Variants in DPP6 observed in about 807,000 individuals in gnomAD.
DPP6 encodes the protein dipeptidyl peptidase like 6.
A neutral mutation model predicts 122.6 loss-of-function variants in DPP6; 69 were observed. The ratio of observed to expected loss-of-function variants is 0.56; its 90% CI spans 0.46 to 0.69. DPP6 has a LOEUF of 0.69. Ranked by LOEUF, DPP6 falls within the 30% of genes least tolerant of loss-of-function variation. The pLI is 0.00. For synonymous variants in DPP6, 418 were observed against 433.1 expected (o/e 0.97, Z 0.43); for missense variants, 928 against 1,116.9 (o/e 0.83, Z 2.41).
At chr7:154,740,298 C>CTTTT in intron 8 of DPP6, among the ~76,000 whole-genome samples, 1 of 143,558 alleles carries the variant, frequency 7.0e-6, no homozygotes, top group Admixed American at 6.9e-5. Flanking sequence ...ACTCTAATTT[C>CTTTT]TTTTTTTTTT....
At chr7:154,249,217 C>G (rs1802191502) in intron 1 of DPP6, among the ~76,000 whole-genome samples, 2 of 152,200 alleles carry the variant, frequency 1.3e-5, no homozygotes, top group Admixed American at 6.5e-5. Context: ...GTCAAAAATG[C>G]AGCTCTCTCT....
intron 12 of DPP6, among the ~76,000 whole-genome samples, chr7:154,800,412 T>C (rs1038630951): frequency 6.6e-6 from 1 of 152,192 alleles, no homozygotes; most frequent in African/African-American, 2.4e-5. Context: ...AGAAAATACA[T>C]CTCGCAACCA....
At chr7:153,800,782 G>T in the DPP6 span, among the ~76,000 whole-genome samples, 4 of 151,996 alleles carry the variant, frequency 2.6e-5, no homozygotes, top group Non-Finnish European at 4.4e-5. Flanking sequence ...CTCCCAAAGT[G>T]CTGGGATTAC....
chr7:154,222,185 G>A lies in DPP6; in HGVS notation c.243+169122G>A, dbSNP rs184879898. ...ATCTTTGAGCCTTTGCTCCTAATCT[G>A]TTACCTTTGACCCCTATCCTCCCAG... On this transcript the variant is annotated intron_variant, in intron 1 of 25. Transcript: ENST00000377770. 9.7e-4 allele frequency among the ~76,000 whole-genome samples: 147 copies of A among 152,172 alleles called. 1 individual carries two copies. Among genetic ancestry groups the A allele is most frequent in the Non-Finnish European group, 1.0e-3 (71 of 68,016 alleles).
At chr7:154,330,826 T>C (rs1368287867) in intron 1 of DPP6, among the ~76,000 whole-genome samples, 2 of 152,112 alleles carry the variant, frequency 1.3e-5, no homozygotes, top group Non-Finnish European at 2.9e-5. Context: ...GACAAATGCA[T>C]CTACCTTTCT....
the DPP6 span, among the ~76,000 whole-genome samples, chr7:153,754,955 T>C: frequency 2.0e-5 from 3 of 152,168 alleles, no homozygotes; most frequent in Non-Finnish European, 4.4e-5. Context: ...AGGAGTCTTC[T>C]TATAATACTT....
chr7:153,995,601 A>AAAAG (rs1008235831), intron 1 of DPP6, among the ~76,000 whole-genome samples: 1 of 151,646 alleles, frequency 6.6e-6, no homozygotes, highest in African/African-American at 2.4e-5. Flanking sequence ...AAAAAAAAAA[A>AAAAG]AAAAAAAGAA....
chr7:153,785,320 G>A, the DPP6 span, among the ~76,000 whole-genome samples: 19 of 152,300 alleles, frequency 1.2e-4, no homozygotes, highest in South Asian at 1.7e-3. Flanking sequence ...TAAGCTCCAT[G>A]AGGGCAGGGC....
At chr7:154,055,552 C>A (rs1800757617) in intron 1 of DPP6, 1 of 151,456 alleles carries the variant, frequency 6.6e-6, no homozygotes, top group Admixed American at 6.6e-5. Context: ...CATTTTGCTA[C>A]CCAAATTTAA....
chr7:153,888,676 G>A (rs897204223), intron 1 of DPP6, among the ~76,000 whole-genome samples: 7 of 149,810 alleles, frequency 4.7e-5, no homozygotes, highest in African/African-American at 1.7e-4. Context: ...ATCCTCTGAC[G>A]GTCCCTTATT....
At chr7:153,846,130 C>T in the DPP6 span, among the ~76,000 whole-genome samples, 1 of 152,150 alleles carries the variant, frequency 6.6e-6, no homozygotes, top group Non-Finnish European at 1.5e-5. Flanking sequence ...GTGTCAGGTG[C>T]CCCACATCTT....
At chr7:154,834,794 C>T (rs981089131) in intron 16 of DPP6, among the ~76,000 whole-genome samples, 2 of 152,198 alleles carry the variant, frequency 1.3e-5, no homozygotes, top group African/African-American at 2.4e-5. Context: ...GGGCCAGCGA[C>T]TGGAAGAGCC....
At chr7:154,638,240 G>A (rs1021356151) in intron 6 of DPP6, among the ~76,000 whole-genome samples, 2 of 152,186 alleles carry the variant, frequency 1.3e-5, no homozygotes, top group Non-Finnish European at 2.9e-5. Flanking sequence ...TCCCACGAGG[G>A]TTCCTGGTTA....
chr7:154,589,899 G>T (rs963277447), intron 5 of DPP6, among the ~76,000 whole-genome samples: 1 of 152,158 alleles, frequency 6.6e-6, no homozygotes, highest in African/African-American at 2.4e-5. Context: ...AAGTAATGAC[G>T]GAAGTAATCG....
intron 21 of DPP6, chr7:154,884,287 C>A (rs1805866075): frequency 6.9e-6 from 1 of 143,978 alleles, no homozygotes; most frequent in Non-Finnish European, 1.5e-5. Context: ...TACATGCTCA[C>A]AAACATGATT....
At position 154,840,785 on chromosome 7, in the gene DPP6, C is replaced by A. The variant is rs920274959; in HGVS notation, c.1667-12995C>A. On this transcript the variant is annotated intron_variant, in intron 16 of 25. Transcript: ENST00000377770. ...GCACTTTTTCAAAAGCAAAGCTAAC[C>A]TCTAACACAGGTAGCTGGCGATTTA... 3.9e-5 allele frequency among the ~76,000 whole-genome samples: 6 copies of A among 152,282 alleles called. No individual in the cohort carries two copies. The South Asian group carries it at 8.3e-4, about 21-fold the overall frequency.
intron 2 of DPP6, among the ~76,000 whole-genome samples, chr7:154,464,732 G>A (rs1821639073): frequency 6.6e-6 from 1 of 152,036 alleles, no homozygotes; most frequent in East Asian, 1.9e-4. Context: ...AAATAAATTG[G>A]GTTTTCTCAA....
chr7:154,662,645 C>CGT (rs1837810538), intron 6 of DPP6, among the ~76,000 whole-genome samples: 3 of 125,736 alleles, frequency 2.4e-5, no homozygotes, highest in Admixed American at 7.7e-5. Flanking sequence ...GCGTATCGGC[C>CGT]ATAGTGTTCA....
intron 6 of DPP6, among the ~76,000 whole-genome samples, chr7:154,655,798 T>A (rs1333195459): frequency 1.3e-5 from 2 of 152,110 alleles, no homozygotes; most frequent in Non-Finnish European, 2.9e-5. Flanking sequence ...GCAGGGGTCA[T>A]CTCCCCCAGG....
Sources: gnomAD v4.1 joint callset for allele counts (sites outside exome capture counted in the v4.1 genomes callset) on GRCh38, gnomAD v4.1.1 for gene constraint, MANE v1.5 for transcripts, NCBI Gene and HGNC (gene_info 2026-07-23, HGNC 2026-07-21) for gene names.